VPS54: variants seen among roughly 807,000 people sequenced by gnomAD.
The protein encoded by VPS54 is vacuolar protein sorting-associated protein 54.
A neutral mutation model predicts 121.5 loss-of-function variants in VPS54; 45 were observed. That is an observed-to-expected ratio of 0.37 (90% CI 0.29 to 0.47). The LOEUF is 0.47. Ranked by LOEUF, VPS54 falls within the 20% of genes least tolerant of loss-of-function variation. The pLI is 0.99. For synonymous variants in VPS54, 371 were observed against 385.8 expected (o/e 0.96, Z 0.45); for missense variants, 1,090 against 1,131.4 (o/e 0.96, Z 0.52).
At chr2:63,920,016 A>C in intron 14 of VPS54, 21 bp from the exon 15 acceptor site, 1 of 1,585,750 alleles carries the variant, frequency 6.3e-7, no homozygotes, top group Non-Finnish European at 8.6e-7. Context: ...GTAAGGAGAA[A>C]AGAAGGTAAA....
chr2:64,015,821 C>G (rs1329925372), intron 1 of VPS54, among the ~76,000 whole-genome samples: 2 of 152,124 alleles, frequency 1.3e-5, no homozygotes, highest in Non-Finnish European at 2.9e-5. Flanking sequence ...TGCTACCCTT[C>G]CTTAGGTTAA....
rs186842355 is a variant in VPS54 at position 63,927,140 on chromosome 2, C to T, written c.1740-5805G>A. On this transcript the variant is annotated intron_variant, in intron 12 of 22. Transcript: ENST00000272322. ...ACTTAAACATCCCTGCCTGAGAGCT[C>T]TGAAGAGAGCTGTGGTTCTCCCAGC... Among the ~76,000 whole-genome samples the T allele has an allele frequency of 1.1e-3, 169 of 152,288 alleles. 2 individuals carry two copies. The highest frequency in any genetic ancestry group is 2.9e-5 in the Non-Finnish European group (2 of 68,018).
intron 12 of VPS54, among the ~76,000 whole-genome samples, chr2:63,926,580 C>T (rs1428779431): frequency 1.3e-5 from 2 of 152,154 alleles, no homozygotes; most frequent in East Asian, 1.9e-4. Context: ...ACGCAGAAGA[C>T]GGGTGATCTC....
chr2:63,952,027 C>T (rs1675274902), intron 7 of VPS54, among the ~76,000 whole-genome samples: 2 of 152,168 alleles, frequency 1.3e-5, no homozygotes, highest in South Asian at 4.2e-4. Context: ...ATTTATTCAA[C>T]AAACATTTGT....
At chr2:63,993,161 G>A (rs1677409782) in intron 1 of VPS54, among the ~76,000 whole-genome samples, 1 of 152,166 alleles carries the variant, frequency 6.6e-6, no homozygotes, top group East Asian at 1.9e-4. Context: ...AGGAATCATG[G>A]TCGATAAACA....
chr2:63,981,584 G>A (rs1174765043), intron 3 of VPS54, 62 bp downstream of exon 3: 8 of 1,489,964 alleles, frequency 5.4e-6, no homozygotes, highest in Admixed American at 2.3e-5. Context: ...CTATAATAAA[G>A]CATACTAAAA....
chr2:63,933,018 C>T (rs958813103), intron 12 of VPS54, among the ~76,000 whole-genome samples: 8 of 151,862 alleles, frequency 5.3e-5, no homozygotes, highest in Non-Finnish European at 1.0e-4. Context: ...AAAATATTAA[C>T]ATAAGAGATA....
chr2:63,971,117 A>G (rs545482203), intron 4 of VPS54, among the ~76,000 whole-genome samples: 1 of 152,066 alleles, frequency 6.6e-6, no homozygotes, highest in Non-Finnish European at 1.5e-5. Context: ...TCCTTGAATC[A>G]TTTTGCTCCA....
intron 1 of VPS54, among the ~76,000 whole-genome samples, chr2:63,997,681 T>C (rs1380395199): frequency 6.6e-6 from 1 of 152,022 alleles, no homozygotes; most frequent in Non-Finnish European, 1.5e-5. Context: ...GTCCTGTTTC[T>C]TCATTTCAAT....
chr2:63,979,909 C>T (rs1676730541), intron 3 of VPS54, among the ~76,000 whole-genome samples: 2 of 151,972 alleles, frequency 1.3e-5, no homozygotes, highest in South Asian at 4.1e-4. Flanking sequence ...TAGTCTATGT[C>T]CATAAATGTT....
intron 7 of VPS54, among the ~76,000 whole-genome samples, chr2:63,959,491 A>G (rs1279147365): frequency 6.6e-6 from 1 of 152,230 alleles, no homozygotes; most frequent in Non-Finnish European, 1.5e-5. Context: ...AATGTTTTAC[A>G]TGAAGAAATA....
At chr2:63,951,205 CCT>C (rs1491441875) in intron 7 of VPS54, among the ~76,000 whole-genome samples, 18 of 114,408 alleles carry the variant, frequency 1.6e-4, no homozygotes, top group African/African-American at 7.8e-4. Context: ...CACAAATTTC[CCT>C]TTTTTTTTTT....
At chr2:63,928,592 C>T (rs1187067864) in intron 12 of VPS54, among the ~76,000 whole-genome samples, 1 of 152,154 alleles carries the variant, frequency 6.6e-6, no homozygotes, top group African/African-American at 2.4e-5. Flanking sequence ...TAGGAAGAAA[C>T]TGCATCAATT....
chr2:63,946,932 AAAAC>A (rs905805214), intron 9 of VPS54, among the ~76,000 whole-genome samples: 4 of 152,220 alleles, frequency 2.6e-5, no homozygotes, highest in African/African-American at 4.8e-5. Context: ...TTAAGTACGA[AAAAC>A]AAACAAAATA....
chr2:64,000,863 C>T (rs1435831562), intron 1 of VPS54, among the ~76,000 whole-genome samples: 1 of 152,198 alleles, frequency 6.6e-6, no homozygotes, highest in Non-Finnish European at 1.5e-5. Context: ...CAAGGCCCAC[C>T]GTAACCACTA....
chr2:63,895,867 T>G (rs1672424972), intron 22 of VPS54, among the ~76,000 whole-genome samples: 1 of 152,182 alleles, frequency 6.6e-6, no homozygotes, highest in Non-Finnish European at 1.5e-5. Flanking sequence ...GAAAGAAAAG[T>G]AACAGCTAAC....
intron 1 of VPS54, among the ~76,000 whole-genome samples, chr2:63,995,043 T>C (rs1276339517): frequency 1.3e-5 from 2 of 152,204 alleles, no homozygotes. Flanking sequence ...AGGCCTCGTA[T>C]GATATTCCCC....
intron 1 of VPS54, among the ~76,000 whole-genome samples, chr2:64,010,729 T>C (rs950004534): frequency 6.6e-6 from 1 of 152,234 alleles, no homozygotes; most frequent in South Asian, 2.1e-4. Context: ...TAAATTTTTT[T>C]AAAATGCGTA....
intron 3 of VPS54, among the ~76,000 whole-genome samples, chr2:63,972,897 A>G (rs1476326267): frequency 6.6e-6 from 1 of 152,036 alleles, no homozygotes; most frequent in African/African-American, 2.4e-5. Flanking sequence ...GAAAAAAAGG[A>G]AAGAAAGATA....
Sources: allele counts gnomAD v4.1 joint callset (sites outside exome capture counted in the v4.1 genomes callset), GRCh38; gene constraint gnomAD v4.1.1; transcripts MANE v1.5; gene names NCBI Gene and HGNC (gene_info 2026-07-23, HGNC 2026-07-21).